Variants in SHARPIN observed in about 807,000 individuals in gnomAD.
SHARPIN encodes the protein hSIPL1.
Under a neutral mutation model 40.3 loss-of-function variants are expected in SHARPIN, and 25 were observed. The observed-to-expected ratio is 0.62, with a 90% CI of 0.45 to 0.87. SHARPIN has a LOEUF of 0.87. Ranked by LOEUF, SHARPIN falls within the 40% of genes least tolerant of loss-of-function variation. The pLI, the probability that SHARPIN is intolerant of heterozygous loss-of-function variation, is 0.00. For synonymous variants in SHARPIN, 274 were observed against 221.8 expected, an observed-to-expected ratio of 1.24 and a Z score of -2.09; for missense variants, 551 against 516.1, an observed-to-expected ratio of 1.07 and a Z score of -0.66.
intron 3 of SHARPIN, 36 bp from the exon 4 acceptor site, chr8:144,099,880 G>A (rs370670828): frequency 6.2e-7 from 1 of 1,610,766 alleles, no homozygotes; most frequent in African/African-American, 1.3e-5. Context: ...TCACCACTGG[G>A]GACTATCTGC....
intron 2 of SHARPIN, among the ~76,000 whole-genome samples, chr8:144,101,400 CTAA>C (rs1836283956): frequency 1.9e-5 from 2 of 105,832 alleles, no homozygotes; most frequent in Non-Finnish European, 3.8e-5. Context: ...CTACACTCAG[CTAA>C]TTTTTTTTTT....
chr8:144,100,874 T>C (rs1218045651), intron 2 of SHARPIN: 2 of 152,090 alleles, frequency 1.3e-5, no homozygotes, highest in Non-Finnish European at 2.9e-5. Flanking sequence ...TTTCACTCGT[T>C]GCCCAGGCTG....
rs909863512 is a variant in SHARPIN, at chr8:144,099,526, G to C, written c.752C>G (p.Ala251Gly). 6.2e-7 allele frequency: 1 copy of C among 1,613,938 alleles called. No homozygotes were observed. The highest frequency in any genetic ancestry group is 1.7e-5 in the Admixed American group (1 of 60,014). The change falls in exon 5 of 9, where the codon GCA (alanine) becomes GGA (glycine). Residue 251 changes from alanine (A) to glycine (G), a missense_variant. By Grantham distance (60) the Ala-to-Gly change is moderately conservative (BLOSUM62 0). Coordinates refer to ENST00000398712, the MANE Select transcript of SHARPIN (RefSeq NM_030974.4). ...TGTGCCCACCTGCTCCTGGAGAGCT[G>C]CAACAGTGCAGTGGGGGTGGACCTG... Reference protein sequence around the residue: ...ALQVHPHCTVAALQEQVFSEL... With the variant: ...ALQVHPHCTVGALQEQVFSEL...
rs201069535 is a variant in SHARPIN, at chr8:144,100,003, G to A, written c.443C>T (p.Pro148Leu). The A allele has an allele frequency of 1.6e-5, 26 of 1,607,520 alleles. No individual in the cohort carries two copies. The highest frequency in any genetic ancestry group is 1.7e-4 in the Middle Eastern group (1 of 6,022). ...AGGGCCCTTGAGTGTGGAGGCTTCC[G>A]GGGGACTGGGCAGGGAGACAGGGCA... ...EACPVSLPSP[P>L]EASTLKGPPP... The change falls in exon 3 of 9, where the codon CCG (proline) becomes CTG (leucine). Residue 148 changes from proline (P) to leucine (L), a missense_variant. Transcript: ENST00000398712.
intron 2 of SHARPIN, chr8:144,102,832 TG>T: frequency 1.6e-6 from 1 of 643,840 alleles, no homozygotes. Flanking sequence ...GGCTTCCTGG[TG>T]GAGGCTGCAA....
rs778667823 is a variant in SHARPIN at position 144,100,076 on chromosome 8, G to T, written c.377-7C>A. ...GGTGAGTTGCTCTTGCTGCCTAGAG[G>T]TAAGATATGGGTGTGCTGTGCTGTG... On this transcript the variant is annotated splice_region_variant and splice_polypyrimidine_tract_variant and intron_variant, in intron 2 of 8. Coordinates refer to ENST00000398712, the MANE Select transcript of SHARPIN (RefSeq NM_030974.4). The T allele has an allele frequency of 6.4e-7, 1 of 1,566,018 alleles. No homozygotes were observed. The highest frequency in any genetic ancestry group is 8.6e-7 in the Non-Finnish European group (1 of 1,156,692).
In SHARPIN at chr8:144,099,443, C is replaced by G. The variant is rs1293592770; in HGVS notation, c.769-13G>C. Reference sequence around the variant, plus strand: ...GCTCTGAGAACACCTGTGGCCAGAGCATCAGGGCAGGTGATGTCACCTAGG... The same window carrying G: ...GCTCTGAGAACACCTGTGGCCAGAGGATCAGGGCAGGTGATGTCACCTAGG... On this transcript the variant is annotated splice_polypyrimidine_tract_variant and intron_variant, in intron 5 of 8. Transcript: ENST00000398712. 6.2e-7 allele frequency: 1 copy of G among 1,609,642 alleles called. No homozygotes were observed. Among genetic ancestry groups the G allele is most frequent in the Non-Finnish European group, 8.5e-7 (1 of 1,177,656 alleles).
chr8:144,103,020 A>C (rs1183677397), intron 2 of SHARPIN, 31 bp downstream of exon 2: 32 of 1,611,452 alleles, frequency 2.0e-5, no homozygotes, highest in Non-Finnish European at 2.6e-5. Context: ...GCTATTCCAA[A>C]TTGTAATTGT....
chr8:144,099,249 C>A, intron 6 of SHARPIN, 28 bp downstream of exon 6: 1 of 1,613,600 alleles, frequency 6.2e-7, no homozygotes, highest in Non-Finnish European at 8.5e-7. Context: ...ACCCCACCTC[C>A]CACACCCCAC....
chr8:144,100,526 T>C (rs1466908778), intron 2 of SHARPIN, among the ~76,000 whole-genome samples: 1 of 152,202 alleles, frequency 6.6e-6, no homozygotes, highest in Admixed American at 6.5e-5. Flanking sequence ...CTGAGCACCC[T>C]GCTGACTCAC....
chr8:144,103,315 T>C, intron 1 of SHARPIN, 90 bp from the exon 2 acceptor site: 2 of 1,417,086 alleles, frequency 1.4e-6, no homozygotes, highest in East Asian at 2.3e-5. Flanking sequence ...TTATAGACCA[T>C]TTACACGGTC....
At position 144,099,713 on chromosome 8, in the gene SHARPIN, C is replaced by A. The variant is rs1836247738; in HGVS notation, c.649G>T (p.Gly217Cys). The A allele has an allele frequency of 6.2e-7, 1 of 1,613,464 alleles. No homozygotes were observed. The highest frequency in any genetic ancestry group is 8.5e-7 in the Non-Finnish European group (1 of 1,179,968). ...VQLQEACFPP[G>C]PIRLQVTLED... ...AGCCCCAGGCCTCACCTGATGGGGC[C>A]AGGTGGGAAGCAGGCCTCCTGAAGC... The change falls in exon 4 of 9, where the codon GGC becomes TGC. Residue 217 changes from glycine (G) to cysteine (C), a missense_variant. Physicochemically the swap from Gly to Cys is radical, Grantham distance 159 (BLOSUM62 -3). Transcript: ENST00000398712.
intron 5 of SHARPIN, 38 bp downstream of exon 5, chr8:144,099,472 C>T (rs558184218): frequency 5.6e-6 from 9 of 1,609,138 alleles, no homozygotes; most frequent in South Asian, 4.4e-5. Flanking sequence ...ACCTAGGCTC[C>T]TCTGCCCCTG....
Position 144,099,555 on chromosome 8 carries a change from G to A in SHARPIN, c.723C>T (p.Ala241=), listed in dbSNP as rs1159917805. The A allele has an allele frequency of 1.1e-5, 18 of 1,613,984 alleles. No homozygotes were observed. In the East Asian group the frequency reaches 3.8e-4, roughly 34 times the overall value. ...CAGTGCAGTGGGGGTGGACCTGCAG[G>A]GCAACGTGTGCAGAGGACGCGGCGG... ...AASAASSAHV[A]LQVHPHCTVA... Residue 241 remains alanine, a synonymous_variant, in exon 5 of 9, where the codon GCC becomes GCT. Coordinates refer to ENST00000398712, the MANE Select transcript of SHARPIN (RefSeq NM_030974.4).
chr8:144,100,127 TG>T, intron 2 of SHARPIN, 58 bp from the exon 3 acceptor site: 1 of 1,511,788 alleles, frequency 6.6e-7, no homozygotes, highest in Non-Finnish European at 8.8e-7. Context: ...TCTAGGCCCT[TG>T]GTTTTCCAGG....
At position 144,103,611 on chromosome 8, in the gene SHARPIN, G is replaced by C. The variant is rs200972856; in HGVS notation, c.143C>G (p.Ala48Gly). 9,735 of 1,530,124 alleles carry C rather than the reference G, an allele frequency of 6.4e-3. 42 individuals are homozygous for C. Among genetic ancestry groups the C allele is most frequent in the Non-Finnish European group, 7.4e-3 (8,431 of 1,144,690 alleles). 94.8% of individuals were successfully genotyped at this position (1,530,124 alleles called of 1,614,324 possible). A position where few individuals can be genotyped will look rare whatever the true frequency, so the allele number is the denominator to read the frequency against. The change falls in exon 1 of 9, where the codon GCG (alanine) becomes GGG (glycine). Residue 48 changes from alanine (A) to glycine (G), a missense_variant. Transcript: ENST00000398712. Reference sequence around the variant, plus strand: ...GAAGCGCCCAGGCCGCTCAGGGTCCGCGCTCAGCTGCAGCCTCCGCAGCTG... The same window carrying C: ...GAAGCGCCCAGGCCGCTCAGGGTCCCCGCTCAGCTGCAGCCTCCGCAGCTG... ...EAQLRRLQLSADPERPGRFRL... is the reference protein window; with the variant it reads ...EAQLRRLQLSGDPERPGRFRL...
In SHARPIN at chr8:144,103,183, G is replaced by T; in HGVS notation, c.244C>A (p.Arg82=). 1 of 1,612,834 alleles carries T rather than the reference G, an allele frequency of 6.2e-7. No homozygotes were observed. The highest frequency in any genetic ancestry group is 8.5e-7 in the Non-Finnish European group (1 of 1,179,750). ...TGTAGCTCGTGCTGGGTGGGGCCTC[G>T]GATGGTGTAGGAAACTGACTCCAGG... The part of the protein sequence containing the change: ...WPLESVSYTI[R]GPTQHELQPP... Residue 82 remains arginine (R), a synonymous_variant, in exon 2 of 9, where the codon CGA becomes AGA. Transcript: ENST00000398712.
At chr8:144,102,813 A>G in intron 2 of SHARPIN, 1 of 628,894 alleles carries the variant, frequency 1.6e-6, no homozygotes, top group Non-Finnish European at 2.9e-6. Context: ...GTGCAGGCTG[A>G]GGTTCCAGGG....
intron 2 of SHARPIN, among the ~76,000 whole-genome samples, chr8:144,101,211 T>A (rs943512260): frequency 1.3e-5 from 2 of 151,598 alleles, no homozygotes; most frequent in African/African-American, 4.8e-5. Context: ...CTTTCTTTTT[T>A]AAAAAACTCT....
Sources: gnomAD v4.1 joint callset for allele counts (sites outside exome capture counted in the v4.1 genomes callset) on GRCh38, gnomAD v4.1.1 for gene constraint, MANE v1.5 for transcripts, NCBI Gene and HGNC (gene_info 2026-07-23, HGNC 2026-07-21) for gene names.